The following MOB2 variants were observed in gnomAD, a reference collection of about 807,000 sequenced individuals.
MOB2 encodes the protein MOB kinase activator 2, also known as MOB2 Mps One Binder homolog.
In MOB2, 14 loss-of-function variants were observed where a neutral mutation model predicts 27.4. The ratio of observed to expected loss-of-function variants is 0.51; its 90% confidence interval spans 0.34 to 0.80. MOB2 has a LOEUF of 0.80. Ranked by LOEUF, MOB2 falls within the 30% of genes least tolerant of loss-of-function variation. The probability of loss-of-function intolerance (pLI) is 0.01; values close to 1 mark genes in which losing one functional copy is unlikely to be tolerated. For synonymous variants in MOB2, 167 were observed against 151.8 expected (o/e 1.10, Z -0.74); for missense variants, 304 against 354.6 (o/e 0.86, Z 1.15).
chr11:1,485,140 G>A lies in MOB2; in HGVS notation c.110+1307C>T, dbSNP rs192526552. 3.3e-5 allele frequency among the ~76,000 whole-genome samples: 5 copies of A among 152,322 alleles called. No individual in the cohort carries two copies. The East Asian group carries it at 9.6e-4, about 29-fold the overall frequency. ...CATGCATCCAGCTCCCAGCCAAGGT[G>A]GCTTCCTCATCGCTTCCTTTGAAAC... On this transcript the variant is annotated intron_variant, in intron 1 of 4. Transcript: ENST00000329957.
Position 1,470,389 on chromosome 11 carries a change from G to A in MOB2, c.590C>T (p.Thr197Met), listed in dbSNP as rs371484654. 58 of 1,613,604 alleles carry A rather than the reference G, an allele frequency of 3.6e-5. No individual in the cohort carries two copies. Among genetic ancestry groups the A allele is most frequent in the Middle Eastern group, 1.6e-4 (1 of 6,084 alleles). ...AHIYWAHFKE[T>M]LALELHGHLN... ...GTGTCCGTGCAGCTCCAGGGCCAGC[G>A]TCTCCTTGAAGTGGGCCCAGTAGAT... The change falls in exon 5 of 5, where the codon ACG (threonine) becomes ATG (methionine). Residue 197 changes from threonine (T) to methionine (M), a missense_variant. Coordinates refer to ENST00000329957, the MANE Select transcript of MOB2 (RefSeq NM_001172223.3).
At chr11:1,484,511 C>T (rs1181139463) in intron 1 of MOB2, among the ~76,000 whole-genome samples, 3 of 152,026 alleles carry the variant, frequency 2.0e-5, no homozygotes, top group South Asian at 2.1e-4. Flanking sequence ...CCCCAAGACC[C>T]GGCCAGGCAG....
chr11:1,471,570 T>C (rs1847791669), intron 3 of MOB2, 151 bp from the exon 4 acceptor site: 17 of 863,570 alleles, frequency 2.0e-5, no homozygotes, highest in Non-Finnish European at 2.9e-5. Flanking sequence ...ACATGCACAC[T>C]GTCCCCACAC....
chr11:1,470,529 G>A, intron 4 of MOB2, 41 bp from the exon 5 acceptor site: 1 of 1,581,818 alleles, frequency 6.3e-7, no homozygotes, highest in Non-Finnish European at 8.6e-7. Context: ...GACATCCCTT[G>A]GCCCCAACAG....
At position 1,479,762 on chromosome 11, in the gene MOB2, C is replaced by T. The variant is rs145182312; in HGVS notation, c.365+631G>A. On this transcript the variant is annotated intron_variant, in intron 3 of 4. Coordinates refer to ENST00000329957, the MANE Select transcript of MOB2 (RefSeq NM_001172223.3). ...GGGACATCAGGGAAAAGCTTCCGCC[C>T]TCCTCAGCCGCACATGTCCCAGGCT... Among the ~76,000 whole-genome samples, 1,083 of 152,320 alleles carry T rather than the reference C, an allele frequency of 7.1e-3. 14 individuals are homozygous for T. The highest frequency in any genetic ancestry group is 0.025 in the African/African-American group (1,044 of 41,568).
chr11:1,479,667 G>A (rs1387744417), intron 3 of MOB2, among the ~76,000 whole-genome samples: 2 of 152,198 alleles, frequency 1.3e-5, no homozygotes, highest in East Asian at 3.9e-4. Flanking sequence ...CATGTCTGTG[G>A]GCAGGATGAC....
At chr11:1,473,860 C>T (rs557672255) in intron 3 of MOB2, among the ~76,000 whole-genome samples, 23 of 152,366 alleles carry the variant, frequency 1.5e-4, no homozygotes, top group African/African-American at 5.0e-4. Context: ...CCCAGCACCC[C>T]GGGGATGGCT....
chr11:1,471,604 A>G, intron 3 of MOB2, 185 bp from the exon 4 acceptor site: 1 of 659,228 alleles, frequency 1.5e-6, no homozygotes, highest in Admixed American at 3.2e-5. Flanking sequence ...ACCACACTGC[A>G]CTCTATGGAG....
intron 2 of MOB2, 90 bp from the exon 3 acceptor site, chr11:1,480,576 C>G: frequency 6.5e-7 from 1 of 1,540,912 alleles, no homozygotes; most frequent in South Asian, 1.2e-5. Context: ...TGCAGGAGCT[C>G]GGCTGGGTGA....
chr11:1,478,826 GGAGGA>G (rs940142163), intron 3 of MOB2, among the ~76,000 whole-genome samples: 2 of 152,172 alleles, frequency 1.3e-5, no homozygotes, highest in African/African-American at 4.8e-5. Context: ...GCCCTAGCAG[GGAGGA>G]GACGCGCCTC....
intron 1 of MOB2, among the ~76,000 whole-genome samples, chr11:1,485,456 T>C (rs1277263620): frequency 6.6e-6 from 1 of 152,214 alleles, no homozygotes; most frequent in Admixed American, 6.5e-5. Flanking sequence ...CCGGCACTCT[T>C]GTGTCTACTT....
intron 3 of MOB2, among the ~76,000 whole-genome samples, chr11:1,474,494 G>A (rs1847831384): frequency 6.6e-6 from 1 of 152,234 alleles, no homozygotes; most frequent in African/African-American, 2.4e-5. Flanking sequence ...CGAGGCATGA[G>A]GGATAGGTCA....
At chr11:1,471,791 G>A (rs1018442304) in intron 3 of MOB2, 2 of 176,816 alleles carry the variant, frequency 1.1e-5, no homozygotes, top group African/African-American at 4.7e-5. Context: ...GTTGTATTTT[G>A]AAAGCACACA....
intron 4 of MOB2, among the ~76,000 whole-genome samples, chr11:1,470,910 G>A (rs1281981758): frequency 2.0e-5 from 3 of 152,266 alleles, no homozygotes; most frequent in African/African-American, 4.8e-5. Flanking sequence ...CCGTCCCTCT[G>A]GCAGCACGGG....
At chr11:1,475,816 A>G (rs1847846833) in intron 3 of MOB2, among the ~76,000 whole-genome samples, 1 of 152,188 alleles carries the variant, frequency 6.6e-6, no homozygotes, top group Non-Finnish European at 1.5e-5. Flanking sequence ...CCTTTTTCAC[A>G]ATTTCATAAA....
intron 3 of MOB2, among the ~76,000 whole-genome samples, chr11:1,473,813 C>T (rs142719500): frequency 2.0e-5 from 3 of 152,356 alleles, no homozygotes; most frequent in Admixed American, 6.5e-5. Context: ...GGACACGCGG[C>T]GGCTTACGTG....
At chr11:1,475,709 C>CA (rs1370170009) in intron 3 of MOB2, among the ~76,000 whole-genome samples, 1 of 152,218 alleles carries the variant, frequency 6.6e-6, no homozygotes, top group Non-Finnish European at 1.5e-5. Flanking sequence ...CCCATCCTCT[C>CA]ACCTCCTCCA....
chr11:1,482,518 C>T (rs1033186583), intron 1 of MOB2, among the ~76,000 whole-genome samples: 4 of 152,226 alleles, frequency 2.6e-5, no homozygotes, highest in African/African-American at 4.8e-5. Context: ...GCCACTCCGG[C>T]ACTGGCACCT....
At chr11:1,484,584 C>T (rs1455090221) in intron 1 of MOB2, among the ~76,000 whole-genome samples, 9 of 152,114 alleles carry the variant, frequency 5.9e-5, no homozygotes, top group South Asian at 2.1e-4. Context: ...CCAGGGTGCA[C>T]GCCACGGGCA....
Sources: allele counts gnomAD v4.1 joint callset (sites outside exome capture counted in the v4.1 genomes callset), GRCh38; gene constraint gnomAD v4.1.1; transcripts MANE v1.5; gene names NCBI Gene and HGNC (gene_info 2026-07-23, HGNC 2026-07-21).